Variants in DLGAP4 observed in about 807,000 individuals in gnomAD.
The protein encoded by DLGAP4 is DLG associated protein 4.
In DLGAP4, 18 loss-of-function variants were observed where a neutral mutation model predicts 86.9. The observed-to-expected ratio is 0.21, with a 90% CI of 0.14 to 0.31. The LOEUF (loss-of-function observed/expected upper bound fraction) is 0.31, where lower values mean the gene tolerates loss of function less well. Ranked by LOEUF, DLGAP4 falls within the 10% of genes least tolerant of loss-of-function variation. The pLI is 1.00. For missense variants in DLGAP4, 1,085 were observed against 1,362.6 expected, an observed-to-expected ratio of 0.80 and a Z score of 3.21; for synonymous variants, 548 against 574.3, an observed-to-expected ratio of 0.95 and a Z score of 0.65.
intron 2 of DLGAP4, among the ~76,000 whole-genome samples, chr20:36,430,406 C>G (rs1170294905): frequency 1.3e-5 from 2 of 152,130 alleles, no homozygotes; most frequent in Non-Finnish European, 2.9e-5. Flanking sequence ...CGGTGAAGGG[C>G]AGAGCAGGTT....
At chr20:36,420,987 A>C (rs1163831924) in intron 2 of DLGAP4, among the ~76,000 whole-genome samples, 1 of 151,814 alleles carries the variant, frequency 6.6e-6, no homozygotes, top group Non-Finnish European at 1.5e-5. Context: ...GAAAAAAAAA[A>C]AATTAGTAGC....
At chr20:36,461,573 G>C (rs2034052764) in intron 7 of DLGAP4, 1 of 960,944 alleles carries the variant, frequency 1.0e-6, no homozygotes, top group Non-Finnish European at 1.2e-6. Context: ...GGTCCACGTC[G>C]TCGCTGCCGC....
intron 1 of DLGAP4, among the ~76,000 whole-genome samples, chr20:36,364,030 C>A (rs1156375443): frequency 1.3e-5 from 2 of 152,150 alleles, no homozygotes; most frequent in African/African-American, 2.4e-5. Context: ...CCACAAAGGA[C>A]CACAGGTTCC....
chr20:36,470,281 TC>T (rs1449802107), intron 7 of DLGAP4, among the ~76,000 whole-genome samples: 1 of 152,110 alleles, frequency 6.6e-6, no homozygotes, highest in Non-Finnish European at 1.5e-5. Context: ...CCCACAGTCT[TC>T]CCTGGCACTC....
At chr20:36,511,814 G>A in intron 10 of DLGAP4, among the ~76,000 whole-genome samples, 1 of 150,412 alleles carries the variant, frequency 6.6e-6, no homozygotes, top group African/African-American at 2.4e-5. Context: ...GGTGGAGGTT[G>A]CGGTGAGCCG....
At chr20:36,352,937 G>A (rs1439288456) in intron 1 of DLGAP4, among the ~76,000 whole-genome samples, 1 of 152,170 alleles carries the variant, frequency 6.6e-6, no homozygotes, top group African/African-American at 2.4e-5. Context: ...CCACAAGAGG[G>A]GGGCTACGGA....
chr20:36,368,295 C>A (rs148727521), intron 2 of DLGAP4, among the ~76,000 whole-genome samples: 9 of 152,340 alleles, frequency 5.9e-5, no homozygotes, highest in African/African-American at 2.2e-4. Flanking sequence ...GGTGGCCAGC[C>A]CCTCTGGTCC....
chr20:36,340,578 C>T (rs1305693148), intron 1 of DLGAP4, among the ~76,000 whole-genome samples: 1 of 152,176 alleles, frequency 6.6e-6, no homozygotes, highest in Non-Finnish European at 1.5e-5. Flanking sequence ...CTCCTTGCAC[C>T]CTGGTCTTTG....
At chr20:36,493,672 A>C (rs566108859) in intron 7 of DLGAP4, among the ~76,000 whole-genome samples, 64 of 152,340 alleles carry the variant, frequency 4.2e-4, no homozygotes, top group Middle Eastern at 6.8e-3. Flanking sequence ...AGCCCAGCCC[A>C]GCCCAGCGAG....
chr20:36,322,228 C>A (rs541631059), intron 1 of DLGAP4, among the ~76,000 whole-genome samples: 1 of 151,836 alleles, frequency 6.6e-6, no homozygotes, highest in African/African-American at 2.4e-5. Context: ...ATGTGCAAAC[C>A]CCGGGGTGTG....
chr20:36,512,340 A>G (rs985222156), intron 10 of DLGAP4, among the ~76,000 whole-genome samples: 14 of 152,122 alleles, frequency 9.2e-5, no homozygotes, highest in South Asian at 4.1e-4. Flanking sequence ...GTGAGCCACC[A>G]TGCCTGGCCC....
intron 1 of DLGAP4, among the ~76,000 whole-genome samples, chr20:36,335,272 T>A (rs1263305972): frequency 6.6e-6 from 1 of 152,190 alleles, no homozygotes; most frequent in Non-Finnish European, 1.5e-5. Flanking sequence ...CCAGCACAGA[T>A]GGCATGACAT....
chr20:36,522,396 G>A (rs2037431963), intron 10 of DLGAP4, among the ~76,000 whole-genome samples: 1 of 152,158 alleles, frequency 6.6e-6, no homozygotes, highest in South Asian at 2.1e-4. Context: ...CTGGGCTCAA[G>A]TGATCCTCCT....
intron 1 of DLGAP4, among the ~76,000 whole-genome samples, chr20:36,348,042 A>T (rs560056090): frequency 8.5e-5 from 13 of 152,182 alleles, no homozygotes; most frequent in Admixed American, 7.9e-4. Flanking sequence ...TTCCAGCCAT[A>T]TTGCATGTAT....
intron 10 of DLGAP4, among the ~76,000 whole-genome samples, chr20:36,509,252 A>T (rs1338427474): frequency 6.6e-6 from 1 of 151,922 alleles, no homozygotes; most frequent in Admixed American, 6.6e-5. Context: ...GTGAGACCTC[A>T]TGTCTACTAC....
chr20:36,375,242 T>C (rs867698785), intron 2 of DLGAP4, among the ~76,000 whole-genome samples: 51 of 152,186 alleles, frequency 3.4e-4, no homozygotes, highest in African/African-American at 1.2e-3. Context: ...TGCTTGGGTT[T>C]GGGCAGCTTT....
At chr20:36,319,384 C>G (rs2065143678) in intron 1 of DLGAP4, among the ~76,000 whole-genome samples, 1 of 152,146 alleles carries the variant, frequency 6.6e-6, no homozygotes, top group African/African-American at 2.4e-5. Flanking sequence ...GAATTGAGGT[C>G]CTGTGTGTTC....
intron 2 of DLGAP4, among the ~76,000 whole-genome samples, chr20:36,398,577 C>G (rs1375313594): frequency 6.6e-6 from 1 of 152,190 alleles, no homozygotes; most frequent in African/African-American, 2.4e-5. Context: ...TAATACCAGC[C>G]AAGATCCATT....
At chr20:36,323,146 C>T (rs2065185212) in intron 1 of DLGAP4, among the ~76,000 whole-genome samples, 1 of 129,004 alleles carries the variant, frequency 7.8e-6, no homozygotes, top group Non-Finnish European at 1.6e-5. Flanking sequence ...CCACTGCACT[C>T]AGCCTGGAGT....
Sources: gnomAD v4.1 joint callset for allele counts (sites outside exome capture counted in the v4.1 genomes callset) on GRCh38, gnomAD v4.1.1 for gene constraint, MANE v1.5 for transcripts, NCBI Gene and HGNC (gene_info 2026-07-23, HGNC 2026-07-21) for gene names.